TMEM163: variants seen among roughly 807,000 people sequenced by gnomAD.
TMEM163 encodes the protein transmembrane protein 163.
Under a neutral mutation model 29.3 loss-of-function variants are expected in TMEM163, and 17 were observed. That is an observed-to-expected ratio of 0.58 (90% CI 0.40 to 0.87). TMEM163 has a LOEUF of 0.87. Ranked by LOEUF, TMEM163 falls within the 40% of genes least tolerant of loss-of-function variation. The pLI is 0.00. For synonymous variants in TMEM163, 157 were observed against 160.6 expected, an observed-to-expected ratio of 0.98 and a Z score of 0.17; for missense variants, 303 against 381.5, an observed-to-expected ratio of 0.79 and a Z score of 1.71.
At chr2:134,712,211 G>T (rs1041355746) in intron 2 of TMEM163, among the ~76,000 whole-genome samples, 4 of 152,184 alleles carry the variant, frequency 2.6e-5, no homozygotes, top group Non-Finnish European at 2.9e-5. Context: ...GCCTAGTTTT[G>T]CAGGGAGCAT....
intron 2 of TMEM163, among the ~76,000 whole-genome samples, chr2:134,669,675 AG>A (rs1008500430): frequency 6.6e-6 from 1 of 152,096 alleles, no homozygotes; most frequent in Non-Finnish European, 1.5e-5. Flanking sequence ...TGACCAAGAG[AG>A]AATGTGGCAA....
At chr2:134,577,533 C>T (rs750509199) in intron 2 of TMEM163, among the ~76,000 whole-genome samples, 9 of 152,168 alleles carry the variant, frequency 5.9e-5, no homozygotes, top group African/African-American at 1.7e-4. Flanking sequence ...CTGCACGAGG[C>T]GCTGACTGAG....
At chr2:134,650,011 A>G (rs1349067886) in intron 2 of TMEM163, among the ~76,000 whole-genome samples, 1 of 150,180 alleles carries the variant, frequency 6.7e-6, no homozygotes, top group Admixed American at 6.7e-5. Context: ...TCTTAAAAAA[A>G]AAAAAAAAAA....
chr2:134,610,625 G>A (rs1682485950), intron 2 of TMEM163, among the ~76,000 whole-genome samples: 1 of 152,180 alleles, frequency 6.6e-6, no homozygotes, highest in African/African-American at 2.4e-5. Flanking sequence ...CGACCTCCAG[G>A]AATGCACACG....
At chr2:134,551,452 C>T (rs773991151) in intron 3 of TMEM163, among the ~76,000 whole-genome samples, 63 of 152,238 alleles carry the variant, frequency 4.1e-4, no homozygotes, top group Middle Eastern at 3.4e-3. Context: ...AGCTACGCGG[C>T]GGGGGTTGAG....
At chr2:134,587,719 T>G (rs572910604) in intron 2 of TMEM163, among the ~76,000 whole-genome samples, 88 of 152,372 alleles carry the variant, frequency 5.8e-4, no homozygotes, top group African/African-American at 1.5e-3. Flanking sequence ...GGATTCTTTT[T>G]GTAGGTAACA....
In TMEM163 at chr2:134,718,979, CG is replaced by C; in HGVS notation, c.-45del. Reference sequence around the variant, plus strand: ...CCGGCGGCGGCGACGACAAGCGCGGCGGGGACTCGAGTCAGAAGTGCGAGGC... The same window carrying C: ...CCGGCGGCGGCGACGACAAGCGCGGCGGGACTCGAGTCAGAAGTGCGAGGC... On this transcript the variant is annotated 5_prime_UTR_variant, in exon 1 of 8. Transcript: ENST00000281924. 1.0e-6 allele frequency: 1 copy of C among 987,916 alleles called. No homozygotes were observed. Among genetic ancestry groups the C allele is most frequent in the Non-Finnish European group, 1.2e-6 (1 of 837,190 alleles). The allele number at this position is 987,916 out of a possible 1,614,324, so 61.2% of individuals were successfully genotyped here. A position where few individuals can be genotyped will look rare whatever the true frequency, so the allele number is the denominator to read the frequency against.
intron 2 of TMEM163, among the ~76,000 whole-genome samples, chr2:134,580,799 T>C (rs1681674583): frequency 6.6e-6 from 1 of 152,056 alleles, no homozygotes; most frequent in Non-Finnish European, 1.5e-5. Context: ...TGTAATCCCA[T>C]GTACTCAGGG....
intron 2 of TMEM163, among the ~76,000 whole-genome samples, chr2:134,570,513 T>G (rs796114479): frequency 7.5e-6 from 1 of 134,172 alleles, no homozygotes. Flanking sequence ...TACATATACA[T>G]ATACATATAC....
At chr2:134,622,298 C>A (rs1373756724) in intron 2 of TMEM163, among the ~76,000 whole-genome samples, 6 of 152,194 alleles carry the variant, frequency 3.9e-5, no homozygotes, top group Admixed American at 3.9e-4. Context: ...TTTAAAAAAT[C>A]ATAGCTCGAA....
At chr2:134,650,435 T>C (rs1200442070) in intron 2 of TMEM163, among the ~76,000 whole-genome samples, 2 of 151,950 alleles carry the variant, frequency 1.3e-5, no homozygotes, top group South Asian at 2.1e-4. Context: ...AACATTTGTA[T>C]AGAATCATAT....
intron 2 of TMEM163, among the ~76,000 whole-genome samples, chr2:134,689,110 GTTT>G (rs5834423): frequency 1.5e-5 from 2 of 130,924 alleles, no homozygotes; most frequent in African/African-American, 2.8e-5. Context: ...TTTTTGTTTT[GTTT>G]TTTTTTTTTT....
intron 2 of TMEM163, among the ~76,000 whole-genome samples, chr2:134,663,545 G>A (rs1423604231): frequency 6.6e-6 from 1 of 152,254 alleles, no homozygotes; most frequent in Non-Finnish European, 1.5e-5. Context: ...TGCTCTAAAT[G>A]TGTGCACCAC....
At chr2:134,705,840 A>T (rs1684798861) in intron 2 of TMEM163, among the ~76,000 whole-genome samples, 1 of 152,204 alleles carries the variant, frequency 6.6e-6, no homozygotes, top group African/African-American at 2.4e-5. Flanking sequence ...AAACCCTGAC[A>T]AATGTCCCAA....
chr2:134,704,692 G>A (rs1684770372), intron 2 of TMEM163, among the ~76,000 whole-genome samples: 1 of 151,932 alleles, frequency 6.6e-6, no homozygotes, highest in Admixed American at 6.6e-5. Context: ...TCATGGTTCT[G>A]AATTCCAGTG....
chr2:134,482,348 C>T (rs1201176891), intron 5 of TMEM163, among the ~76,000 whole-genome samples: 1 of 152,190 alleles, frequency 6.6e-6, no homozygotes, highest in Non-Finnish European at 1.5e-5. Flanking sequence ...TGGCCACTGA[C>T]ACTGAGCAGA....
At chr2:134,574,033 T>C (rs2104787482) in intron 2 of TMEM163, among the ~76,000 whole-genome samples, 1 of 152,364 alleles carries the variant, frequency 6.6e-6, no homozygotes, top group South Asian at 2.1e-4. Context: ...TTTTTAATTA[T>C]GTTTCTAAGA....
In TMEM163 at chr2:134,714,229, G is replaced by A. The variant is rs541826990; in HGVS notation, c.203-910C>T. Among the ~76,000 whole-genome samples the A allele has an allele frequency of 3.9e-5, 6 of 152,228 alleles. No homozygotes were observed. In the South Asian group the frequency reaches 8.3e-4, roughly 21 times the overall value. On this transcript the variant is annotated intron_variant, in intron 1 of 7. Coordinates refer to ENST00000281924, the MANE Select transcript of TMEM163 (RefSeq NM_030923.5). ...AGATCATATACAGCATCTCTTAGTT[G>A]CACACAGTACCACATTTTCAGCCAT...
intron 2 of TMEM163, among the ~76,000 whole-genome samples, chr2:134,610,027 G>C (rs1301739388): frequency 6.6e-6 from 1 of 152,184 alleles, no homozygotes; most frequent in Non-Finnish European, 1.5e-5. Flanking sequence ...AAAAGGGACT[G>C]GTCAAACAAG....
Sources: gnomAD v4.1 joint callset for allele counts (sites outside exome capture counted in the v4.1 genomes callset) on GRCh38, gnomAD v4.1.1 for gene constraint, MANE v1.5 for transcripts, NCBI Gene and HGNC (gene_info 2026-07-23, HGNC 2026-07-21) for gene names.